ESR1: variants seen among roughly 807,000 people sequenced by gnomAD.
ESR1 encodes the protein estrogen receptor.
In ESR1, 12 loss-of-function variants were observed where a neutral mutation model predicts 52.7. The ratio of observed to expected loss-of-function variants is 0.23; its 90% CI spans 0.15 to 0.37. The LOEUF is 0.37. ESR1 is among the 10% of genes least tolerant of loss of function. The pLI, the probability that ESR1 is intolerant of heterozygous loss-of-function variation, is 1.00. For missense variants in ESR1, 584 were observed against 779.7 expected (o/e 0.75, Z 2.99); for synonymous variants, 305 against 316.8 (o/e 0.96, Z 0.39).
At chr6:151,702,762 C>T (rs935129395) in intron 2 of ESR1, among the ~76,000 whole-genome samples, 3 of 152,168 alleles carry the variant, frequency 2.0e-5, no homozygotes, top group Admixed American at 6.5e-5. Flanking sequence ...GTCCATTTCT[C>T]ATTTCCTCCA....
intron 7 of ESR1, chr6:152,096,790 C>A: frequency 2.5e-6 from 1 of 400,016 alleles, no homozygotes; most frequent in South Asian, 1.8e-5. Flanking sequence ...AGAGGGAAGC[C>A]ATGAGTGGAT....
intron 5 of ESR1, among the ~76,000 whole-genome samples, chr6:152,039,438 G>C (rs1292990701): frequency 6.6e-6 from 1 of 151,688 alleles, no homozygotes; most frequent in Admixed American, 6.6e-5. Flanking sequence ...TTCTTAGCCT[G>C]TTGACTTAGA....
intron 2 of ESR1, among the ~76,000 whole-genome samples, chr6:151,844,446 C>T (rs1471734258): frequency 6.6e-6 from 1 of 152,110 alleles, no homozygotes; most frequent in Non-Finnish European, 1.5e-5. Context: ...GAGACTGTTT[C>T]CTCATCAGTA....
chr6:152,107,998 G>A (rs1447005317), downstream of ESR1, among the ~76,000 whole-genome samples: 1 of 152,172 alleles, frequency 6.6e-6, no homozygotes. Context: ...ATCTGTATGT[G>A]GCTGGAGAAT....
Position 152,100,133 on chromosome 6 carries a change from C to T in ESR1, c.*1167C>T. 1.0e-5 allele frequency: 4 copies of T among 398,652 alleles called. No individual in the cohort carries two copies. Among genetic ancestry groups the T allele is most frequent in the African/African-American group, 2.1e-5 (1 of 48,740 alleles). 24.7% of individuals were successfully genotyped at this position (398,652 alleles called of 1,614,324 possible). The stretch of plus-strand genomic sequence containing the variant: ...CTACCTAGGAACATTCCTTGCAGAC[C>T]CCGCATTGCCCTTTGGGGGTGCCCT... On this transcript the variant is annotated 3_prime_UTR_variant, in exon 8 of 8. Coordinates refer to ENST00000206249, the MANE Select transcript of ESR1 (RefSeq NM_000125.4).
chr6:151,750,399 T>C (rs189811983), intron 2 of ESR1, among the ~76,000 whole-genome samples: 9 of 152,274 alleles, frequency 5.9e-5, no homozygotes, highest in African/African-American at 2.2e-4. Context: ...GTACAGTATG[T>C]TTAGTGGGAC....
At chr6:151,887,665 C>T (rs1274024272) in intron 3 of ESR1, among the ~76,000 whole-genome samples, 1 of 152,136 alleles carries the variant, frequency 6.6e-6, no homozygotes, top group Non-Finnish European at 1.5e-5. Flanking sequence ...GTATGAAAAT[C>T]AAGGCCCTCC....
intron 2 of ESR1, among the ~76,000 whole-genome samples, chr6:151,737,246 A>G (rs1346054332): frequency 6.6e-6 from 1 of 152,184 alleles, no homozygotes; most frequent in African/African-American, 2.4e-5. Flanking sequence ...TGTTATTTTT[A>G]GACGTATGTT....
intron 2 of ESR1, among the ~76,000 whole-genome samples, chr6:151,788,382 C>T (rs1787218604): frequency 6.6e-6 from 1 of 152,142 alleles, no homozygotes; most frequent in South Asian, 2.1e-4. Context: ...TAGAGAAATG[C>T]AAATCAAAAC....
At chr6:152,029,369 C>T (rs572299355) in intron 5 of ESR1, among the ~76,000 whole-genome samples, 35 of 152,230 alleles carry the variant, frequency 2.3e-4, no homozygotes, top group East Asian at 1.4e-3. Context: ...TTCGAACCCA[C>T]GGCAAAGAAG....
At chr6:151,818,932 A>G (rs1440049237) in intron 1 of ESR1, among the ~76,000 whole-genome samples, 1 of 152,192 alleles carries the variant, frequency 6.6e-6, no homozygotes, top group East Asian at 1.9e-4. Context: ...CCAGTCAGAG[A>G]AAACATGTAT....
intron 5 of ESR1, among the ~76,000 whole-genome samples, chr6:152,025,959 T>G (rs1249874461): frequency 6.6e-6 from 1 of 152,026 alleles, no homozygotes; most frequent in African/African-American, 2.4e-5. Flanking sequence ...CATGTTTTAT[T>G]TTGTCTCTCA....
intron 2 of ESR1, among the ~76,000 whole-genome samples, chr6:151,739,230 G>A (rs367606298): frequency 2.6e-5 from 4 of 152,296 alleles, no homozygotes; most frequent in South Asian, 2.1e-4. Context: ...GAGTACCTAT[G>A]TCAGAGTTGC....
At chr6:151,830,717 AC>A (rs1285612949) in intron 1 of ESR1, among the ~76,000 whole-genome samples, 1 of 152,154 alleles carries the variant, frequency 6.6e-6, no homozygotes, top group African/African-American at 2.4e-5. Flanking sequence ...TTTTTAGGGA[AC>A]TTTTTCCAGT....
chr6:151,728,665 G>GC (rs1438731383), intron 2 of ESR1, among the ~76,000 whole-genome samples: 3 of 152,016 alleles, frequency 2.0e-5, no homozygotes, highest in Non-Finnish European at 4.4e-5. Context: ...GAACATACCT[G>GC]CCCCCCATCC....
At chr6:151,776,562 C>G (rs2504068) in intron 2 of ESR1, among the ~76,000 whole-genome samples, 91,282 of 152,068 alleles carry the variant, frequency 0.6, 27,638 homozygotes, top group East Asian at 0.71. Flanking sequence ...CGGAGGCCGG[C>G]TGGGGTGGCT....
chr6:151,764,434 A>G (rs1424849225), intron 2 of ESR1, among the ~76,000 whole-genome samples: 2 of 152,174 alleles, frequency 1.3e-5, no homozygotes, highest in Non-Finnish European at 2.9e-5. Context: ...CAGCCGCGAA[A>G]GACCAAGGGG....
At chr6:151,845,703 T>C (rs1784996850) in intron 2 of ESR1, among the ~76,000 whole-genome samples, 1 of 152,218 alleles carries the variant, frequency 6.6e-6, no homozygotes, top group South Asian at 2.1e-4. Context: ...CAGAAACTTC[T>C]TGTGTATCAT....
At chr6:151,853,900 A>G (rs954980341) in intron 2 of ESR1, among the ~76,000 whole-genome samples, 4 of 152,212 alleles carry the variant, frequency 2.6e-5, no homozygotes, top group African/African-American at 9.6e-5. Flanking sequence ...AGCTTTGTTT[A>G]TCAGTGGCAA....
Sources: allele counts gnomAD v4.1 joint callset (sites outside exome capture counted in the v4.1 genomes callset), GRCh38; gene constraint gnomAD v4.1.1; transcripts MANE v1.5; gene names NCBI Gene and HGNC (gene_info 2026-07-23, HGNC 2026-07-21).